DACH1: variants seen among roughly 807,000 people sequenced by gnomAD.
DACH1 encodes dachshund family transcription factor 1.
DACH1 carries 12 observed loss-of-function variants against 54.2 expected under a neutral mutation model. The observed-to-expected ratio is 0.22, with a 90% CI of 0.14 to 0.36. DACH1 has a LOEUF of 0.36. Among genes scored for constraint, DACH1 ranks in the 10% least tolerant of loss-of-function variants. The probability of loss-of-function intolerance (pLI) is 1.00; values close to 1 mark genes in which losing one functional copy is unlikely to be tolerated. For synonymous variants in DACH1, 386 were observed against 366.2 expected (o/e 1.05, Z -0.62); for missense variants, 805 against 929.8 (o/e 0.87, Z 1.75).
At position 71,559,574 on chromosome 13, in the gene DACH1, G is replaced by C. The variant is rs149351090; in HGVS notation, c.1435+246C>G. ...ATCTAAACGGTTACTTATTTTCTCT[G>C]TTTCATAGCTCAAATCTTTATATGT... On this transcript the variant is annotated intron_variant, in intron 5 of 10. Coordinates refer to ENST00000613252, the MANE Select transcript of DACH1 (RefSeq NM_080759.6). 2.8e-4 allele frequency among the ~76,000 whole-genome samples: 42 copies of C among 152,206 alleles called. No homozygotes were observed. The Middle Eastern group carries it at 0.01, about 37-fold the overall frequency.
intron 10 of DACH1, among the ~76,000 whole-genome samples, chr13:71,467,524 A>G (rs1359638742): frequency 6.6e-6 from 1 of 151,346 alleles, no homozygotes; most frequent in Non-Finnish European, 1.5e-5. Context: ...TAAATAAAAA[A>G]GAATAAAATA....
chr13:71,811,868 A>T (rs1594249948), intron 1 of DACH1, among the ~76,000 whole-genome samples: 1 of 152,182 alleles, frequency 6.6e-6, no homozygotes, highest in East Asian at 1.9e-4. Flanking sequence ...TTCATTTTTT[A>T]AACTGATTAT....
intron 10 of DACH1, among the ~76,000 whole-genome samples, chr13:71,464,299 G>T (rs1406747220): frequency 6.6e-6 from 1 of 151,648 alleles, no homozygotes; most frequent in Non-Finnish European, 1.5e-5. Flanking sequence ...CATATGATTT[G>T]CCATCTTTGA....
chr13:71,758,156 A>C (rs1373933134), intron 1 of DACH1, among the ~76,000 whole-genome samples: 1 of 152,248 alleles, frequency 6.6e-6, no homozygotes, highest in East Asian at 1.9e-4. Context: ...AAGTTCATTA[A>C]GCACCGTTTA....
chr13:71,773,016 A>G (rs946161656), intron 1 of DACH1, among the ~76,000 whole-genome samples: 1 of 151,832 alleles, frequency 6.6e-6, no homozygotes, highest in Non-Finnish European at 1.5e-5. Flanking sequence ...ATGATACTAC[A>G]TAGTACATAT....
intron 3 of DACH1, among the ~76,000 whole-genome samples, chr13:71,606,732 A>G (rs978727576): frequency 7.2e-5 from 11 of 152,050 alleles, no homozygotes; most frequent in African/African-American, 2.2e-4. Context: ...AGACACCCTA[A>G]ATGTTAGATC....
At chr13:71,650,061 C>A (rs1002669060) in intron 2 of DACH1, among the ~76,000 whole-genome samples, 1 of 152,166 alleles carries the variant, frequency 6.6e-6, no homozygotes, top group Non-Finnish European at 1.5e-5. Context: ...TCTCTTTAAA[C>A]GCATATTGGA....
chr13:71,637,465 C>T (rs892341433), intron 2 of DACH1, among the ~76,000 whole-genome samples: 3 of 152,082 alleles, frequency 2.0e-5, no homozygotes, highest in South Asian at 2.1e-4. Context: ...ATTTGGCAAA[C>T]GGATATCTAA....
At chr13:71,590,838 C>CT (rs1320042591) in intron 3 of DACH1, among the ~76,000 whole-genome samples, 173 of 133,540 alleles carry the variant, frequency 1.3e-3, no homozygotes, top group African/African-American at 4.4e-3. Context: ...CCCAGTTTTT[C>CT]TTTTCTTTTT....
chr13:71,580,002 G>A (rs1229562468), intron 3 of DACH1, among the ~76,000 whole-genome samples: 1 of 152,072 alleles, frequency 6.6e-6, no homozygotes, highest in African/African-American at 2.4e-5. Context: ...CTACATATTT[G>A]GGTGTCTTGT....
At chr13:71,467,193 T>C (rs1207497272) in intron 10 of DACH1, among the ~76,000 whole-genome samples, 2 of 151,708 alleles carry the variant, frequency 1.3e-5, no homozygotes, top group Non-Finnish European at 2.9e-5. Context: ...GCCTTCAGCA[T>C]TTGGAGTTCA....
At position 71,439,617 on chromosome 13, in the gene DACH1, A is replaced by G. The variant is rs951205452; in HGVS notation, c.*1038T>C. 6.6e-6 allele frequency: 1 copy of G among 152,460 alleles called. No homozygotes were observed. The highest frequency in any genetic ancestry group is 1.9e-4 in the East Asian group (1 of 5,184). 9.4% of individuals were successfully genotyped at this position (152,460 alleles called of 1,614,324 possible). On this transcript the variant is annotated 3_prime_UTR_variant, in exon 11 of 11. Transcript: ENST00000613252. ...TGGGGCACTAGCTAGGGTTCAATAT[A>G]CAAATAAAAGTGGCTGACACAGAGT...
intron 1 of DACH1, among the ~76,000 whole-genome samples, chr13:71,696,932 A>T (rs2138739108): frequency 6.6e-6 from 1 of 152,320 alleles, no homozygotes; most frequent in Non-Finnish European, 1.5e-5. Context: ...TCTAAAAAGA[A>T]TTGAATGTTC....
intron 6 of DACH1, among the ~76,000 whole-genome samples, chr13:71,551,571 T>G (rs1226339875): frequency 5.9e-5 from 9 of 152,146 alleles, no homozygotes; most frequent in African/African-American, 1.9e-4. Flanking sequence ...ACTTGGCTTA[T>G]CTCACGTAAC....
chr13:71,834,016 C>A (rs1403138354), intron 1 of DACH1, among the ~76,000 whole-genome samples: 5 of 151,970 alleles, frequency 3.3e-5, no homozygotes, highest in African/African-American at 1.2e-4. Flanking sequence ...TTTAACTTTA[C>A]AAAAGTATGG....
intron 1 of DACH1, among the ~76,000 whole-genome samples, chr13:71,838,289 C>T (rs890347221): frequency 1.7e-4 from 26 of 152,170 alleles, no homozygotes; most frequent in African/African-American, 5.8e-4. Context: ...ACAATAGTAA[C>T]GAATTTCATA....
chr13:71,802,265 T>G (rs905000784), intron 1 of DACH1, among the ~76,000 whole-genome samples: 6 of 151,784 alleles, frequency 4.0e-5, no homozygotes, highest in African/African-American at 1.2e-4. Flanking sequence ...CGATTTAAAT[T>G]TAGCCTAGAA....
chr13:71,815,426 C>A (rs1268859084), intron 1 of DACH1, among the ~76,000 whole-genome samples: 2 of 152,056 alleles, frequency 1.3e-5, no homozygotes, highest in African/African-American at 2.4e-5. Context: ...CTTGGTGAAG[C>A]ACTTTTTCTT....
intron 4 of DACH1, among the ~76,000 whole-genome samples, chr13:71,570,656 T>C (rs911565061): frequency 1.2e-4 from 18 of 152,174 alleles, no homozygotes; most frequent in Admixed American, 3.3e-4. Context: ...GGCACATATC[T>C]TAAAACATAA....
Sources: allele counts gnomAD v4.1 joint callset (sites outside exome capture counted in the v4.1 genomes callset), GRCh38; gene constraint gnomAD v4.1.1; transcripts MANE v1.5; gene names NCBI Gene and HGNC (gene_info 2026-07-23, HGNC 2026-07-21).